The following GPBP1 variants were observed in gnomAD, a reference collection of about 807,000 sequenced individuals.
The protein encoded by GPBP1 is vasculin.
In GPBP1, 13 loss-of-function variants were observed where a neutral mutation model predicts 56.5. That is an observed-to-expected ratio of 0.23 (90% CI 0.15 to 0.37). GPBP1 has a LOEUF of 0.37. GPBP1 is among the 10% of genes least tolerant of loss of function. GPBP1 has a pLI of 1.00. For missense variants in GPBP1, 477 were observed against 572.3 expected, an observed-to-expected ratio of 0.83 and a Z score of 1.70; for synonymous variants, 204 against 188.9, an observed-to-expected ratio of 1.08 and a Z score of -0.66.
At chr5:57,183,765 A>ATTT (rs34608817) in intron 2 of GPBP1, among the ~76,000 whole-genome samples, 45 of 133,276 alleles carry the variant, frequency 3.4e-4, no homozygotes, top group African/African-American at 3.1e-4. Flanking sequence ...GGGGATATGA[A>ATTT]TTTTTTTTTT....
chr5:57,194,094 C>A (rs1220484174), intron 2 of GPBP1, among the ~76,000 whole-genome samples: 1 of 152,156 alleles, frequency 6.6e-6, no homozygotes, highest in East Asian at 1.9e-4. Context: ...GAACATTATT[C>A]CATATTAGTA....
At chr5:57,194,859 C>G (rs558971776) in intron 2 of GPBP1, among the ~76,000 whole-genome samples, 4 of 152,148 alleles carry the variant, frequency 2.6e-5, no homozygotes, top group Non-Finnish European at 5.9e-5. Flanking sequence ...GAATAATATT[C>G]CATAGCCATA....
chr5:57,175,710 G>A lies in GPBP1; in HGVS notation c.-748G>A. ...ACTGGTTACAGTATTTCAGCTGGTG[G>A]TAATTTTTGCCTCCCCTTCCCCCAC... On this transcript the variant is annotated 5_prime_UTR_variant, in exon 2 of 12. Transcript: ENST00000506184. 2.5e-6 allele frequency: 1 copy of A among 396,574 alleles called. No individual in the cohort carries two copies. The highest frequency in any genetic ancestry group is 4.4e-6 in the Non-Finnish European group (1 of 225,328). The allele number at this position is 396,574 out of a possible 1,614,324, so 24.6% of individuals were successfully genotyped here. A position where few individuals can be genotyped will look rare whatever the true frequency, so the allele number is the denominator to read the frequency against.
At chr5:57,211,804 T>G (rs978769902) in intron 2 of GPBP1, among the ~76,000 whole-genome samples, 1 of 151,872 alleles carries the variant, frequency 6.6e-6, no homozygotes, top group Non-Finnish European at 1.5e-5. Context: ...ACTCCCAACC[T>G]CAGGTGATCT....
At chr5:57,185,660 C>T (rs957288343) in intron 2 of GPBP1, among the ~76,000 whole-genome samples, 5 of 151,904 alleles carry the variant, frequency 3.3e-5, no homozygotes, top group South Asian at 2.1e-4. Flanking sequence ...AGCATCTTTC[C>T]GTGTGTTTTG....
chr5:57,210,355 A>G (rs779982607), intron 2 of GPBP1, among the ~76,000 whole-genome samples: 7 of 152,188 alleles, frequency 4.6e-5, no homozygotes, highest in Non-Finnish European at 1.0e-4. Context: ...TCATACTAGC[A>G]GTATTTGTGT....
chr5:57,246,538 C>T, intron 7 of GPBP1, 54 bp downstream of exon 7: 2 of 1,399,984 alleles, frequency 1.4e-6, no homozygotes, highest in African/African-American at 2.9e-5. Context: ...CAATTTATGT[C>T]CTATGGGGGG....
At chr5:57,226,306 C>T (rs1444393532) in intron 3 of GPBP1, among the ~76,000 whole-genome samples, 3 of 152,210 alleles carry the variant, frequency 2.0e-5, no homozygotes, top group African/African-American at 7.2e-5. Context: ...CCTCCACCAG[C>T]GTTCCTCCTT....
chr5:57,200,920 C>T (rs549027755), intron 2 of GPBP1, among the ~76,000 whole-genome samples: 16 of 152,276 alleles, frequency 1.1e-4, no homozygotes, highest in South Asian at 6.2e-4. Context: ...CCTCGTGATT[C>T]GCCCACCTCG....
chr5:57,246,252 T>G, intron 6 of GPBP1, 48 bp from the exon 7 acceptor site: 2 of 1,497,296 alleles, frequency 1.3e-6, no homozygotes, highest in African/African-American at 1.4e-5. Flanking sequence ...TATTCTATAC[T>G]AAAACTTGAA....
intron 6 of GPBP1, 27 bp downstream of exon 6, chr5:57,236,059 G>T: frequency 7.0e-7 from 1 of 1,424,020 alleles, no homozygotes; most frequent in South Asian, 1.2e-5. Flanking sequence ...CTATATTTGA[G>T]GGGCACAAAA....
In GPBP1 at chr5:57,246,452, T is replaced by C. The variant is rs1274546583; in HGVS notation, c.631T>C (p.Leu211=). The change falls in exon 7 of 12, where the codon TTA becomes CTA. Residue 211 remains leucine, a synonymous_variant. Transcript: ENST00000506184. ...AACTGGTCCAAGTGTTTATAAAGGTTTAGTCCCTAAACCTGCTGCTCCACC... is the reference window on the plus strand; with the variant it reads ...AACTGGTCCAAGTGTTTATAAAGGTCTAGTCCCTAAACCTGCTGCTCCACC... ...NGTGPSVYKG[L]VPKPAAPPTK... is the part of the protein sequence containing the mutation. 6.2e-7 allele frequency: 1 copy of C among 1,611,346 alleles called. No homozygotes were observed. Among genetic ancestry groups the C allele is most frequent in the Admixed American group, 1.7e-5 (1 of 59,148 alleles).
At chr5:57,262,199 C>T (rs902971729) in intron 11 of GPBP1, among the ~76,000 whole-genome samples, 10 of 152,138 alleles carry the variant, frequency 6.6e-5, no homozygotes, top group Non-Finnish European at 1.3e-4. Context: ...GTATCTTCAT[C>T]TCCGGTTAAA....
At chr5:57,223,122 A>G (rs985393839) in intron 3 of GPBP1, among the ~76,000 whole-genome samples, 6 of 150,612 alleles carry the variant, frequency 4.0e-5, no homozygotes, top group African/African-American at 1.5e-4. Context: ...CTTGTTTGAT[A>G]TTTTAAAAAA....
intron 6 of GPBP1, among the ~76,000 whole-genome samples, chr5:57,238,083 T>G (rs1290799549): frequency 6.6e-6 from 1 of 152,130 alleles, no homozygotes; most frequent in East Asian, 1.9e-4. Flanking sequence ...ATCATAGCTA[T>G]TAGGTACATA....
intron 3 of GPBP1, chr5:57,230,602 A>C (rs1756408471): frequency 2.2e-6 from 1 of 460,040 alleles, no homozygotes; most frequent in Non-Finnish European, 3.9e-6. Context: ...TTTTACCTTT[A>C]TATTTTTTGG....
intron 2 of GPBP1, among the ~76,000 whole-genome samples, chr5:57,207,066 T>C (rs1223267569): frequency 6.6e-6 from 1 of 152,078 alleles, no homozygotes; most frequent in Non-Finnish European, 1.5e-5. Context: ...GTAGTGCCAC[T>C]GTACTCCAGC....
intron 6 of GPBP1, among the ~76,000 whole-genome samples, chr5:57,243,104 G>C (rs1740910967): frequency 6.6e-6 from 1 of 151,610 alleles, no homozygotes; most frequent in Non-Finnish European, 1.5e-5. Flanking sequence ...GTGTCACTCT[G>C]TCGCCCAGGC....
At chr5:57,200,169 CCT>C (rs1219468308) in intron 2 of GPBP1, among the ~76,000 whole-genome samples, 1 of 127,270 alleles carries the variant, frequency 7.9e-6, no homozygotes, top group Non-Finnish European at 1.6e-5. Context: ...CCCTTTCCTT[CCT>C]CTCTTTCCTT....
Sources: gnomAD v4.1 joint callset for allele counts (sites outside exome capture counted in the v4.1 genomes callset) on GRCh38, gnomAD v4.1.1 for gene constraint, MANE v1.5 for transcripts, NCBI Gene and HGNC (gene_info 2026-07-23, HGNC 2026-07-21) for gene names.